Variants in KCNN2 observed in about 807,000 individuals in gnomAD.
KCNN2 encodes the protein small conductance calcium-activated potassium channel protein 2.
In KCNN2, 24 loss-of-function variants were observed where a neutral mutation model predicts 55.5. The observed-to-expected ratio is 0.43, with a 90% CI of 0.31 to 0.61. The LOEUF (loss-of-function observed/expected upper bound fraction) is 0.61, where lower values mean the gene tolerates loss of function less well. KCNN2 is among the 20% of genes least tolerant of loss of function. KCNN2 has a pLI of 0.08. For missense variants in KCNN2, 754 were observed against 853.6 expected (o/e 0.88, Z 1.45); for synonymous variants, 431 against 336.1 (o/e 1.28, Z -3.09).
At chr5:114,264,719 C>G (rs191656808) in intron 2 of KCNN2, among the ~76,000 whole-genome samples, 1 of 152,280 alleles carries the variant, frequency 6.6e-6, no homozygotes, top group Admixed American at 6.5e-5. Context: ...GAATTGAGAC[C>G]TGAGCTAACT....
chr5:114,178,768 G>T (rs1301861067), intron 1 of KCNN2, among the ~76,000 whole-genome samples: 3 of 152,130 alleles, frequency 2.0e-5, no homozygotes, highest in Non-Finnish European at 4.4e-5. Flanking sequence ...TAGAGTTAGG[G>T]TTTCATTTGT....
At chr5:114,258,984 C>T (rs1052513769) in intron 2 of KCNN2, among the ~76,000 whole-genome samples, 8 of 152,184 alleles carry the variant, frequency 5.3e-5, no homozygotes, top group Non-Finnish European at 1.0e-4. Context: ...GAAAAGCCAT[C>T]CTCCAGCATA....
At chr5:114,261,788 C>G (rs920612666) in intron 2 of KCNN2, among the ~76,000 whole-genome samples, 6 of 152,188 alleles carry the variant, frequency 3.9e-5, no homozygotes, top group Non-Finnish European at 7.3e-5. Context: ...TCAGCTCTCT[C>G]ACATCATCCA....
At chr5:114,191,907 A>G (rs1443422311) in intron 1 of KCNN2, among the ~76,000 whole-genome samples, 3 of 152,168 alleles carry the variant, frequency 2.0e-5, no homozygotes, top group Non-Finnish European at 4.4e-5. Context: ...TGAGAAACCA[A>G]ATTGGTTTAT....
chr5:114,423,335 C>T (rs1179007202), intron 3 of KCNN2, among the ~76,000 whole-genome samples: 2 of 152,048 alleles, frequency 1.3e-5, no homozygotes, highest in African/African-American at 4.8e-5. Context: ...CTACTCACCC[C>T]CACAGCCCCC....
At chr5:114,197,075 C>T (rs115396775) in intron 1 of KCNN2, among the ~76,000 whole-genome samples, 1 of 151,972 alleles carries the variant, frequency 6.6e-6, no homozygotes, top group Admixed American at 6.6e-5. Context: ...CTTCTAATAT[C>T]CCTTATGATT....
intron 1 of KCNN2, among the ~76,000 whole-genome samples, chr5:114,178,008 G>A (rs1753169979): frequency 6.6e-6 from 1 of 152,114 alleles, no homozygotes. Flanking sequence ...ATATGACATT[G>A]TTTTTAATTT....
intron 1 of KCNN2, among the ~76,000 whole-genome samples, chr5:114,172,018 A>C (rs184295041): frequency 1.3e-5 from 2 of 151,838 alleles, no homozygotes; most frequent in South Asian, 4.2e-4. Context: ...GGTTTTAGGA[A>C]CTCAGGAAAC....
chr5:114,152,986 G>C, intron 1 of KCNN2, among the ~76,000 whole-genome samples: 1 of 152,158 alleles, frequency 6.6e-6, no homozygotes, highest in East Asian at 1.9e-4. Context: ...GGTGATAATA[G>C]TGATGAAGAG....
At chr5:114,385,351 T>C (rs1296429475) in intron 2 of KCNN2, among the ~76,000 whole-genome samples, 2 of 152,142 alleles carry the variant, frequency 1.3e-5, no homozygotes, top group African/African-American at 2.4e-5. Flanking sequence ...AATTTACAAA[T>C]ACTTAATTTA....
intron 2 of KCNN2, among the ~76,000 whole-genome samples, chr5:114,382,763 T>G (rs1453676545): frequency 6.6e-6 from 1 of 152,228 alleles, no homozygotes; most frequent in Non-Finnish European, 1.5e-5. Flanking sequence ...GGATGGCGTC[T>G]GCTCTCACAA....
intron 1 of KCNN2, among the ~76,000 whole-genome samples, chr5:114,169,384 T>C (rs536596062): frequency 1.2e-4 from 19 of 152,046 alleles, no homozygotes; most frequent in Admixed American, 1.2e-3. Flanking sequence ...TAAGACAACA[T>C]GGAAGAGTAA....
chr5:114,061,242 C>T (rs1420760541), intron 1 of KCNN2, among the ~76,000 whole-genome samples: 1 of 152,172 alleles, frequency 6.6e-6, no homozygotes, highest in Non-Finnish European at 1.5e-5. Context: ...TGCAAATACA[C>T]ATTCATGGGA....
chr5:114,289,848 C>G (rs2150016969), intron 2 of KCNN2, among the ~76,000 whole-genome samples: 1 of 152,242 alleles, frequency 6.6e-6, no homozygotes, highest in East Asian at 1.9e-4. Flanking sequence ...TCAGCAATGT[C>G]CTACAATTTT....
At chr5:114,449,006 G>C (rs560807678) in intron 3 of KCNN2, among the ~76,000 whole-genome samples, 8 of 152,108 alleles carry the variant, frequency 5.3e-5, no homozygotes, top group Admixed American at 2.0e-4. Flanking sequence ...CCCTCGGCCT[G>C]CCACCCTGGA....
At chr5:114,290,911 A>G (rs927342157) in intron 2 of KCNN2, among the ~76,000 whole-genome samples, 2 of 151,968 alleles carry the variant, frequency 1.3e-5, no homozygotes, top group African/African-American at 4.8e-5. Context: ...TTTCCTTGTT[A>G]CTGATTTCTA....
intron 1 of KCNN2, 113 bp from the exon 2 acceptor site, chr5:114,363,793 T>G (rs1393887567): frequency 1.4e-6 from 1 of 730,844 alleles, no homozygotes; most frequent in Middle Eastern, 2.6e-4. Context: ...TCTCCCCTTA[T>G]CTTCCTTCTG....
At chr5:114,294,319 T>C (rs1304846782) in intron 2 of KCNN2, among the ~76,000 whole-genome samples, 1 of 152,176 alleles carries the variant, frequency 6.6e-6, no homozygotes, top group Non-Finnish European at 1.5e-5. Flanking sequence ...TGCTTTCTCT[T>C]GTGGGCATTT....
At chr5:114,214,818 A>C (rs1409031737) in intron 1 of KCNN2, among the ~76,000 whole-genome samples, 1 of 152,188 alleles carries the variant, frequency 6.6e-6, no homozygotes, top group Non-Finnish European at 1.5e-5. Context: ...ACAAAAAACA[A>C]CTTTCCCTGA....
Sources: gnomAD v4.1 joint callset for allele counts (sites outside exome capture counted in the v4.1 genomes callset) on GRCh38, gnomAD v4.1.1 for gene constraint, MANE v1.5 for transcripts, NCBI Gene and HGNC (gene_info 2026-07-23, HGNC 2026-07-21) for gene names.